PCNT: variants seen among roughly 807,000 people sequenced by gnomAD.
PCNT encodes pericentrin.
Under a neutral mutation model 380.4 loss-of-function variants are expected in PCNT, and 319 were observed. The ratio of observed to expected loss-of-function variants is 0.84; its 90% confidence interval spans 0.77 to 0.92. The LOEUF (loss-of-function observed/expected upper bound fraction) is 0.92. PCNT is among the 40% of genes least tolerant of loss of function. PCNT has a pLI of 0.00. For missense variants in PCNT, 4,400 were observed against 4,255.3 expected, an observed-to-expected ratio of 1.03 and a Z score of -0.95; for synonymous variants, 1,845 against 1,735.2, an observed-to-expected ratio of 1.06 and a Z score of -1.57.
In PCNT at chr21:46,363,901, A is replaced by G. The variant is rs746673141; in HGVS notation, c.2576A>G (p.Asp859Gly). The change falls in exon 14 of 47, where the codon GAC (aspartate) becomes GGC (glycine). Residue 859 changes from aspartate to glycine, a missense_variant. Physicochemically the swap from Asp to Gly is moderately conservative, Grantham distance 94 (BLOSUM62 -1). Transcript: ENST00000359568. ...GELAALHVKEDCALQLMLARS... is the reference protein window; with the variant it reads ...GELAALHVKEGCALQLMLARS... ...CTTGCTGCGCTCCACGTGAAGGAAG[A>G]CTGCGCCCTGCAGCTGATGCTGGCC... 6.2e-7 allele frequency: 1 copy of G among 1,610,944 alleles called. No homozygotes were observed. Among genetic ancestry groups the G allele is most frequent in the African/African-American group, 1.3e-5 (1 of 75,032 alleles).
chr21:46,365,497 GTGGGGTTCTGATCACTGCCA>G (rs2084882701), intron 14 of PCNT, among the ~76,000 whole-genome samples: 7 of 84,736 alleles, frequency 8.3e-5, no homozygotes, highest in East Asian at 5.0e-4. Context: ...GATCACTGCC[GTGGGGTTCTGATCACTGCCA>G]TGGGGTTCTA....
intron 31 of PCNT, among the ~76,000 whole-genome samples, chr21:46,418,743 C>T (rs577937212): frequency 6.6e-6 from 1 of 152,390 alleles, no homozygotes; most frequent in African/African-American, 2.4e-5. Flanking sequence ...TTTCCCTCCC[C>T]TTGGGGTGGA....
intron 46 of PCNT, 150 bp downstream of exon 46, chr21:46,444,971 T>C: frequency 2.5e-6 from 2 of 784,444 alleles, no homozygotes; most frequent in Non-Finnish European, 4.3e-6. Flanking sequence ...GAATAGAGGC[T>C]ACAAGTGAAG....
rs186151296 is a variant in PCNT at position 46,328,970 on chromosome 21, T to A, written c.267+2381T>A. On this transcript the variant is annotated intron_variant, in intron 2 of 46. Coordinates refer to ENST00000359568, the MANE Select transcript of PCNT (RefSeq NM_006031.6). ...TGTATTTGTTTGGTTGAGATGGGGTTTCACCACATTGGCCAGGCTGGTCTC... is the reference window on the plus strand; with the variant it reads ...TGTATTTGTTTGGTTGAGATGGGGTATCACCACATTGGCCAGGCTGGTCTC... 1.9e-4 allele frequency among the ~76,000 whole-genome samples: 28 copies of A among 151,134 alleles called. 1 individual carries two copies. Among genetic ancestry groups the A allele is most frequent in the Admixed American group, 1.4e-3 (21 of 15,124 alleles).
rs753053511 is a variant in PCNT, at chr21:46,404,463, C to T, written c.5115+1980C>T. ...GCGTGTGAACGAGCAGCTCTAGGCACCGCAGGTTTACCTCGGCGAGGTACG... is the reference window on the plus strand; with the variant it reads ...GCGTGTGAACGAGCAGCTCTAGGCATCGCAGGTTTACCTCGGCGAGGTACG... On this transcript the variant is annotated intron_variant, in intron 27 of 46. Transcript: ENST00000359568. Among the ~76,000 whole-genome samples, 57 of 152,338 alleles carry T rather than the reference C, an allele frequency of 3.7e-4. 1 individual carries two copies. Among genetic ancestry groups the T allele is most frequent in the Admixed American group, 1.9e-3 (29 of 15,306 alleles).
At chr21:46,420,853 T>C (rs181970548) in intron 31 of PCNT, 1 of 152,318 alleles carries the variant, frequency 6.6e-6, no homozygotes, top group East Asian at 1.9e-4. Context: ...ACACCTGAAG[T>C]AGATGATTTC....
chr21:46,438,100 A>T, intron 40 of PCNT, 64 bp from the exon 41 acceptor site: 1 of 1,317,280 alleles, frequency 7.6e-7, no homozygotes, highest in Non-Finnish European at 1.1e-6. Context: ...GTTGACAAAA[A>T]ACACAAGTAA....
Position 46,445,650 on chromosome 21 carries a change from G to T in PCNT, c.*323G>T. ...CCTGCCTCCAAGGAGGATACACAGA[G>T]AATGGCTTCCTGTTGTTTTGTTTAT... On this transcript the variant is annotated 3_prime_UTR_variant, in exon 47 of 47. Coordinates refer to ENST00000359568, the MANE Select transcript of PCNT (RefSeq NM_006031.6). 5.7e-6 allele frequency: 2 copies of T among 352,834 alleles called. No individual in the cohort carries two copies. The highest frequency in any genetic ancestry group is 1.0e-5 in the Non-Finnish European group (2 of 194,842). 21.9% of individuals were successfully genotyped at this position (352,834 alleles called of 1,614,324 possible).
At chr21:46,394,379 T>A (rs951608857) in intron 21 of PCNT, 1 of 203,270 alleles carries the variant, frequency 4.9e-6, no homozygotes. Context: ...AGTCTGGAGG[T>A]TGTTCAAGGC....
intron 44 of PCNT, chr21:46,442,864 A>C (rs1290557191): frequency 6.5e-6 from 3 of 461,778 alleles, no homozygotes; most frequent in Non-Finnish European, 1.2e-5. Flanking sequence ...GTCTTTTTTT[A>C]TTCCTTAAAT....
chr21:46,351,021 C>T (rs1161206800), intron 8 of PCNT, among the ~76,000 whole-genome samples: 2 of 152,168 alleles, frequency 1.3e-5, no homozygotes, highest in Non-Finnish European at 1.5e-5. Context: ...AACTGAGAGA[C>T]CTCCTATTTG....
chr21:46,407,537 G>C (rs1820990680), intron 27 of PCNT, among the ~76,000 whole-genome samples: 1 of 151,910 alleles, frequency 6.6e-6, no homozygotes, highest in Non-Finnish European at 1.5e-5. Flanking sequence ...CACAGACGGG[G>C]TTTCACCGTG....
At chr21:46,387,502 G>A (rs2085880278) in intron 17 of PCNT, among the ~76,000 whole-genome samples, 1 of 152,036 alleles carries the variant, frequency 6.6e-6, no homozygotes, top group Non-Finnish European at 1.5e-5. Flanking sequence ...CACGGTCCCT[G>A]GACACTGGAG....
chr21:46,346,920 C>T lies in PCNT; in HGVS notation c.898C>T (p.Gln300Ter), dbSNP rs767911152. The change falls in exon 5 of 47, where the codon CAG (glutamine) becomes TAG (stop). Residue 300 changes from glutamine to a stop codon, truncating the protein, a stop_gained. Transcript: ENST00000359568. LOFTEE classifies it high-confidence loss of function. ...QELALLQSRQQHELELLREQH... is the reference protein window; with the variant it reads ...QELALLQSRQ ...GCTGGCCCTGCTACAGAGCAGGCAG[C>T]AGCACGAGCTGGAGCTCCTCAGGGA... is the stretch of plus-strand genomic sequence containing the variant. 1 of 1,600,864 alleles carries T rather than the reference C, an allele frequency of 6.2e-7. No individual in the cohort carries two copies. Among genetic ancestry groups the T allele is most frequent in the Non-Finnish European group, 8.5e-7 (1 of 1,175,072 alleles).
At chr21:46,426,158 C>T (rs751512065) in intron 33 of PCNT, among the ~76,000 whole-genome samples, 187 bp downstream of exon 33, 2 of 148,916 alleles carry the variant, frequency 1.3e-5, no homozygotes, top group Non-Finnish European at 3.0e-5. Flanking sequence ...CTCAGCCTCC[C>T]GAGTAGCTGG....
At position 46,376,616 on chromosome 21, in the gene PCNT, T is replaced by G. The variant is rs200870226; in HGVS notation, c.3166-5078T>G. On this transcript the variant is annotated intron_variant, in intron 15 of 46. Coordinates refer to ENST00000359568, the MANE Select transcript of PCNT (RefSeq NM_006031.6). ...CTGTCCTGCCGGGTGCATTGGCATTTGGGGTTTTGTTCTTGAATTCACCAG... is the reference window on the plus strand; with the variant it reads ...CTGTCCTGCCGGGTGCATTGGCATTGGGGGTTTTGTTCTTGAATTCACCAG... Among the ~76,000 whole-genome samples, 749 of 152,340 alleles carry G rather than the reference T, an allele frequency of 4.9e-3. 3 individuals carry two copies. The highest frequency in any genetic ancestry group is 7.7e-3 in the Non-Finnish European group (522 of 68,028).
At chr21:46,442,642 T>A in intron 44 of PCNT, 69 bp downstream of exon 44, 1 of 996,524 alleles carries the variant, frequency 1.0e-6, no homozygotes, top group Non-Finnish European at 1.6e-6. Context: ...TTTCATTCAC[T>A]TTGGGTCATT....
At chr21:46,344,019 G>C (rs1435261206) in intron 3 of PCNT, among the ~76,000 whole-genome samples, 1 of 149,974 alleles carries the variant, frequency 6.7e-6, no homozygotes, top group Non-Finnish European at 1.5e-5. Flanking sequence ...TCCTTTCCTG[G>C]TTAATCTCAC....
intron 32 of PCNT, 139 bp downstream of exon 32, chr21:46,422,263 G>A (rs756960445): frequency 1.5e-5 from 17 of 1,123,126 alleles, no homozygotes; most frequent in Non-Finnish European, 2.2e-5. Flanking sequence ...GCATTTTAAT[G>A]ACTCACGGGA....
Sources: gnomAD v4.1 joint callset for allele counts (sites outside exome capture counted in the v4.1 genomes callset) on GRCh38, gnomAD v4.1.1 for gene constraint, MANE v1.5 for transcripts, NCBI Gene and HGNC (gene_info 2026-07-23, HGNC 2026-07-21) for gene names.